ZNF124: variants seen among roughly 807,000 people sequenced by gnomAD.
ZNF124 encodes zinc finger protein HZF-16.
ZNF124 carries 25 observed loss-of-function variants against 26.6 expected under a neutral mutation model. The ratio of observed to expected loss-of-function variants is 0.94; its 90% CI spans 0.68 to 1.31. ZNF124 has a LOEUF of 1.31. ZNF124 is among the 40% of genes most tolerant of loss of function. ZNF124 has a pLI of 0.00. For missense variants in ZNF124, 444 were observed against 422.2 expected, an observed-to-expected ratio of 1.05 and a Z score of -0.45; for synonymous variants, 129 against 133.3, an observed-to-expected ratio of 0.97 and a Z score of 0.22.
At chr1:247,167,767 A>C (rs1673865327) in intron 1 of ZNF124, among the ~76,000 whole-genome samples, 1 of 152,240 alleles carries the variant, frequency 6.6e-6, no homozygotes, top group Non-Finnish European at 1.5e-5. Flanking sequence ...AATAATCAGC[A>C]GAGTAAACAG....
Position 247,156,239 on chromosome 1 carries a change from T to G in ZNF124, c.*327A>C, listed in dbSNP as rs959955640. ...AGTTATAGGATAAATGAAGGCATTC[T>G]CACATTCGATACCTTCATAAAGTTT... On this transcript the variant is annotated 3_prime_UTR_variant, in exon 4 of 4. Transcript: ENST00000543802. 40 of 1,031,968 alleles carry G rather than the reference T, an allele frequency of 3.9e-5. No individual in the cohort carries two copies. The highest frequency in any genetic ancestry group is 2.2e-4 in the Admixed American group (4 of 18,162). The allele number at this position is 1,031,968 out of a possible 1,614,324, so 63.9% of individuals were successfully genotyped here. A position where few individuals can be genotyped will look rare whatever the true frequency, so the allele number is the denominator to read the frequency against.
At chr1:247,138,537 A>G in intron 3 of ZNF124, 3 of 372,120 alleles carry the variant, frequency 8.1e-6, no homozygotes. Flanking sequence ...CGGCACATGT[A>G]TACCCATGTA....
At chr1:247,142,051 A>G (rs544254850) in intron 3 of ZNF124, among the ~76,000 whole-genome samples, 159 of 152,314 alleles carry the variant, frequency 1.0e-3, no homozygotes, top group Non-Finnish European at 1.9e-3. Flanking sequence ...GACTTGTGCC[A>G]GGGTCCAGCC....
At chr1:247,169,268 C>G (rs1673957367) in intron 1 of ZNF124, among the ~76,000 whole-genome samples, 2 of 152,110 alleles carry the variant, frequency 1.3e-5, no homozygotes, top group Admixed American at 1.3e-4. Context: ...GCAGGAGATT[C>G]CCTGGTCCCC....
At chr1:247,131,517 C>T (rs1558371544) in intron 3 of ZNF124, among the ~76,000 whole-genome samples, 1 of 152,186 alleles carries the variant, frequency 6.6e-6, no homozygotes, top group South Asian at 2.1e-4. Context: ...ACTGGGACTC[C>T]AACTGCCTAA....
chr1:247,133,904 C>T (rs936476566), intron 3 of ZNF124, among the ~76,000 whole-genome samples: 4 of 152,040 alleles, frequency 2.6e-5, no homozygotes, highest in Admixed American at 6.6e-5. Context: ...CCACCCACCT[C>T]GGCCTCCTAA....
chr1:247,139,895 G>A (rs904646655), intron 3 of ZNF124, among the ~76,000 whole-genome samples: 1 of 152,142 alleles, frequency 6.6e-6, no homozygotes, highest in Non-Finnish European at 1.5e-5. Flanking sequence ...CTTTGTAGGT[G>A]ACCTGCCCTG....
At chr1:247,166,848 A>G (rs530097688) in intron 1 of ZNF124, among the ~76,000 whole-genome samples, 2 of 152,344 alleles carry the variant, frequency 1.3e-5, no homozygotes, top group Admixed American at 1.3e-4. Flanking sequence ...TCACTTAAAT[A>G]CCAACAAACC....
Position 247,140,778 on chromosome 1 carries a change from T to C in ZNF124, c.219-16907A>G, listed in dbSNP as rs559374251. Among the ~76,000 whole-genome samples the C allele has an allele frequency of 9.8e-4, 149 of 152,260 alleles. 2 individuals carry two copies. Among genetic ancestry groups the C allele is most frequent in the African/African-American group, 2.6e-3 (109 of 41,550 alleles). ...GAACTTCGGGATGTGATCCAGTAGGTGGTGCTTAGGCATACTGGTTAGTTG... is the reference window on the plus strand; with the variant it reads ...GAACTTCGGGATGTGATCCAGTAGGCGGTGCTTAGGCATACTGGTTAGTTG... On this transcript the variant is annotated intron_variant, in intron 3 of 3. Transcript: ENST00000472531.
intron 1 of ZNF124, among the ~76,000 whole-genome samples, chr1:247,163,546 C>T (rs181546975): frequency 7.8e-4 from 117 of 149,988 alleles, no homozygotes; most frequent in Non-Finnish European, 1.5e-3. Context: ...CCTAGAAAAA[C>T]GAATACATTC....
intron 3 of ZNF124, among the ~76,000 whole-genome samples, chr1:247,140,053 G>T (rs933845237): frequency 9.8e-5 from 15 of 152,328 alleles, no homozygotes; most frequent in Admixed American, 4.6e-4. Flanking sequence ...CAAGGTTGGG[G>T]AAGTTTTCGT....
downstream of ZNF124, among the ~76,000 whole-genome samples, chr1:247,151,646 A>G (rs1332628742): frequency 1.3e-5 from 2 of 152,222 alleles, no homozygotes; most frequent in Non-Finnish European, 2.9e-5. Flanking sequence ...CAACAATGTG[A>G]TTATTACACA....
chr1:247,150,861 A>G (rs1035497155), downstream of ZNF124, among the ~76,000 whole-genome samples: 1 of 151,170 alleles, frequency 6.6e-6, no homozygotes, highest in Non-Finnish European at 1.5e-5. Context: ...TTCTTAAATA[A>G]AAAATATTTA....
chr1:247,137,747 TTAAATA>T (rs1672521801), intron 3 of ZNF124, among the ~76,000 whole-genome samples: 1 of 152,038 alleles, frequency 6.6e-6, no homozygotes, highest in Non-Finnish European at 1.5e-5. Flanking sequence ...TACAAGGAAC[TTAAATA>T]TATTTACAAG....
At chr1:247,157,830 CA>C (rs1448011108) in intron 3 of ZNF124, among the ~76,000 whole-genome samples, 1 of 151,924 alleles carries the variant, frequency 6.6e-6, no homozygotes, top group African/African-American at 2.4e-5. Flanking sequence ...ATTTGATCCT[CA>C]TGTTGGAGGT....
chr1:247,152,597 T>C (rs764192078), downstream of ZNF124, among the ~76,000 whole-genome samples: 5 of 152,194 alleles, frequency 3.3e-5, no homozygotes, highest in Non-Finnish European at 5.9e-5. Flanking sequence ...TGGTAAATCA[T>C]TGTCATTGTA....
chr1:247,122,384 C>A (rs1471394566), exon 4 of ZNF124: 1 of 152,150 alleles, frequency 6.6e-6, no homozygotes, highest in African/African-American at 2.4e-5. Context: ...GTATATAACA[C>A]AAATGAACAC....
chr1:247,161,887 A>C lies in ZNF124; in HGVS notation c.31-2074T>G, dbSNP rs12144327. ...AAGGCAGTGGATATACTCCATTGCT[A>C]TTTCCAGTAATTTGAACTTTACCAC... On this transcript the variant is annotated intron_variant, in intron 1 of 3. Transcript: ENST00000543802. Among the ~76,000 whole-genome samples the C allele has an allele frequency of 5.6e-3, 846 of 152,314 alleles. 5 individuals carry two copies. The highest frequency in any genetic ancestry group is 9.6e-3 in the Non-Finnish European group (650 of 67,992).
intron 3 of ZNF124, among the ~76,000 whole-genome samples, chr1:247,130,433 C>T (rs949427584): frequency 6.6e-6 from 1 of 152,160 alleles, no homozygotes; most frequent in Non-Finnish European, 1.5e-5. Context: ...AAAGTATACT[C>T]ACTAACAGAA....
Sources: allele counts gnomAD v4.1 joint callset (sites outside exome capture counted in the v4.1 genomes callset), GRCh38; gene constraint gnomAD v4.1.1; transcripts MANE v1.5; gene names NCBI Gene and HGNC (gene_info 2026-07-23, HGNC 2026-07-21).